The following SYCP1 variants were observed in gnomAD, a reference collection of about 807,000 sequenced individuals.
SYCP1 encodes cancer/testis antigen 8.
Under a neutral mutation model 153.1 loss-of-function variants are expected in SYCP1, and 64 were observed. That is an observed-to-expected ratio of 0.42 (90% CI 0.34 to 0.51). SYCP1 has a LOEUF of 0.51. SYCP1 is among the 20% of genes least tolerant of loss of function. The probability of loss-of-function intolerance (pLI) is 0.06; values close to 1 mark genes in which losing one functional copy is unlikely to be tolerated. For synonymous variants in SYCP1, 384 were observed against 341.8 expected, an observed-to-expected ratio of 1.12 and a Z score of -1.36; for missense variants, 997 against 1,049.0, an observed-to-expected ratio of 0.95 and a Z score of 0.68.
intron 8 of SYCP1, among the ~76,000 whole-genome samples, chr1:114,867,692 T>C (rs963827161): frequency 7.9e-5 from 12 of 152,144 alleles, no homozygotes; most frequent in African/African-American, 2.7e-4. Flanking sequence ...TAGACAGTTA[T>C]GTTATCTGTG....
intron 30 of SYCP1, among the ~76,000 whole-genome samples, chr1:114,992,385 A>C (rs1378045825): frequency 2.0e-5 from 3 of 151,768 alleles, no homozygotes; most frequent in Non-Finnish European, 4.4e-5. Context: ...CACAGTTCCT[A>C]ACTTTGAAAC....
chr1:114,861,624 T>C (rs1664380831), intron 8 of SYCP1, among the ~76,000 whole-genome samples: 1 of 152,110 alleles, frequency 6.6e-6, no homozygotes, highest in Non-Finnish European at 1.5e-5. Flanking sequence ...ATAATTTGAG[T>C]AAATTATGTA....
intron 12 of SYCP1, among the ~76,000 whole-genome samples, chr1:114,882,185 AAAACAAAC>A (rs371923005): frequency 3.3e-4 from 50 of 151,710 alleles, no homozygotes; most frequent in Admixed American, 1.4e-3. Context: ...ACCCTGTCTC[AAAACAAAC>A]AAACAAACAA....
intron 23 of SYCP1, 77 bp downstream of exon 23, chr1:114,926,640 A>T: frequency 1.6e-6 from 2 of 1,249,652 alleles, no homozygotes. Context: ...CCACTTGTTT[A>T]TACAGTATAA....
chr1:114,956,493 G>A (rs538561769), intron 27 of SYCP1, among the ~76,000 whole-genome samples: 2 of 152,202 alleles, frequency 1.3e-5, no homozygotes, highest in South Asian at 2.1e-4. Context: ...CCAAGATTAG[G>A]CTCTTCAGCC....
chr1:114,985,926 T>A lies in SYCP1; in HGVS notation c.2703+1058T>A, dbSNP rs533028470. Among the ~76,000 whole-genome samples the A allele has an allele frequency of 7.0e-3, 983 of 139,796 alleles. 3 individuals carry two copies. The highest frequency in any genetic ancestry group is 0.014 in the Admixed American group (194 of 13,942). The allele number at this position is 139,796 out of a possible 152,430, so 91.7% of individuals were successfully genotyped here. A position where few individuals can be genotyped will look rare whatever the true frequency, so the allele number is the denominator to read the frequency against. On this transcript the variant is annotated intron_variant, in intron 30 of 31. Coordinates refer to ENST00000369522, the MANE Select transcript of SYCP1 (RefSeq NM_003176.4). ...CCAAAAAATTTGAAAAAAAAAAAAA[T>A]AAATAACAATTCAGTAGAAAATAAT...
intron 12 of SYCP1, among the ~76,000 whole-genome samples, chr1:114,881,228 T>A (rs1288127336): frequency 6.6e-6 from 1 of 152,224 alleles, no homozygotes; most frequent in East Asian, 1.9e-4. Context: ...CAATATTTAT[T>A]TCGTTTTACC....
intron 10 of SYCP1, 66 bp downstream of exon 10, chr1:114,876,204 C>A (rs1003326073): frequency 9.1e-7 from 1 of 1,095,620 alleles, no homozygotes; most frequent in Non-Finnish European, 1.3e-6. Flanking sequence ...TATCAGATTC[C>A]GTTAATGTCT....
chr1:114,879,551 C>G, intron 12 of SYCP1, among the ~76,000 whole-genome samples: 1 of 152,110 alleles, frequency 6.6e-6, no homozygotes, highest in East Asian at 1.9e-4. Context: ...TCCCCTGTGA[C>G]TAGGAGTGTA....
chr1:114,879,667 C>T (rs1407745069), intron 12 of SYCP1, among the ~76,000 whole-genome samples: 1 of 152,130 alleles, frequency 6.6e-6, no homozygotes, highest in African/African-American at 2.4e-5. Flanking sequence ...AATATTTAAT[C>T]TTATCATATA....
chr1:114,943,877 T>C (rs1209743068), intron 23 of SYCP1, among the ~76,000 whole-genome samples: 1 of 151,772 alleles, frequency 6.6e-6, no homozygotes, highest in Non-Finnish European at 1.5e-5. Context: ...TAATAATTTC[T>C]ATATTTGAAT....
At chr1:114,971,279 C>T (rs1191004719) in intron 27 of SYCP1, among the ~76,000 whole-genome samples, 2 of 152,022 alleles carry the variant, frequency 1.3e-5, no homozygotes, top group African/African-American at 4.8e-5. Flanking sequence ...GGGCTTGCTG[C>T]TGCCACTGTG....
intron 20 of SYCP1, among the ~76,000 whole-genome samples, chr1:114,918,583 T>A (rs1445420233): frequency 6.6e-6 from 1 of 152,134 alleles, no homozygotes; most frequent in Non-Finnish European, 1.5e-5. Context: ...CTTTGGGTAG[T>A]ACAGACATTT....
chr1:114,955,713 A>G (rs556223210), intron 27 of SYCP1, among the ~76,000 whole-genome samples: 54 of 152,292 alleles, frequency 3.5e-4, no homozygotes, highest in African/African-American at 9.9e-4. Context: ...TGAAACCCTC[A>G]TGGAACCAAA....
intron 23 of SYCP1, among the ~76,000 whole-genome samples, chr1:114,943,401 T>C (rs1032061266): frequency 2.0e-5 from 3 of 151,872 alleles, no homozygotes; most frequent in African/African-American, 4.8e-5. Context: ...AATAGAACAC[T>C]ACTCAGCAGT....
intron 28 of SYCP1, 83 bp from the exon 29 acceptor site, chr1:114,981,253 T>C: frequency 9.3e-7 from 1 of 1,072,038 alleles, no homozygotes; most frequent in Non-Finnish European, 1.3e-6. Flanking sequence ...TGAATTCTAC[T>C]AGTTGCTGCA....
At chr1:114,907,458 C>A (rs1211589577) in intron 16 of SYCP1, among the ~76,000 whole-genome samples, 1 of 151,972 alleles carries the variant, frequency 6.6e-6, no homozygotes, top group Admixed American at 6.6e-5. Flanking sequence ...TTTAATGTAT[C>A]TACTGGTATT....
intron 20 of SYCP1, among the ~76,000 whole-genome samples, chr1:114,915,826 C>G (rs374961607): frequency 2.0e-5 from 3 of 152,082 alleles, no homozygotes; most frequent in African/African-American, 7.2e-5. Context: ...CATGGTAATC[C>G]GGCAACAGAG....
chr1:114,893,447 CTG>C (rs1666863019), intron 15 of SYCP1, among the ~76,000 whole-genome samples: 1 of 152,014 alleles, frequency 6.6e-6, no homozygotes, highest in Non-Finnish European at 1.5e-5. Flanking sequence ...TTAAATATGT[CTG>C]TTTTGCTATT....
Sources: gnomAD v4.1 joint callset for allele counts (sites outside exome capture counted in the v4.1 genomes callset) on GRCh38, gnomAD v4.1.1 for gene constraint, MANE v1.5 for transcripts, NCBI Gene and HGNC (gene_info 2026-07-23, HGNC 2026-07-21) for gene names.